EVC: variants seen among roughly 807,000 people sequenced by gnomAD.
EVC encodes the protein EvC ciliary complex subunit 1, also known as evC complex member EVC.
EVC carries 116 observed loss-of-function variants against 118.9 expected under a neutral mutation model. That is an observed-to-expected ratio of 0.98 (90% CI 0.84 to 1.14). EVC has a LOEUF of 1.14. Among genes scored for constraint, EVC ranks in the 50% most tolerant of loss-of-function variants. The pLI is 0.00. For synonymous variants in EVC, 619 were observed against 534.7 expected (o/e 1.16, Z -2.18); for missense variants, 1,401 against 1,246.4 (o/e 1.12, Z -1.87).
chr4:5,803,979 C>T (rs1215008859), intron 16 of EVC, among the ~76,000 whole-genome samples: 1 of 151,068 alleles, frequency 6.6e-6, no homozygotes, highest in Admixed American at 6.6e-5. Flanking sequence ...CTCACTCAAT[C>T]GCCCAGACTG....
At chr4:5,794,503 C>T (rs138078283) in intron 13 of EVC, among the ~76,000 whole-genome samples, 2,090 of 150,734 alleles carry the variant, frequency 0.014, 20 homozygotes, top group Non-Finnish European at 0.021. Flanking sequence ...CTCTGCCTCC[C>T]GGGTTCAAGT....
downstream of EVC, among the ~76,000 whole-genome samples, chr4:5,817,674 G>A (rs893396539): frequency 1.3e-5 from 2 of 152,202 alleles, no homozygotes; most frequent in African/African-American, 4.8e-5. Flanking sequence ...CACTGTCAAT[G>A]GGCATCACGG....
intron 20 of EVC, among the ~76,000 whole-genome samples, 180 bp downstream of exon 20, chr4:5,810,630 G>T (rs1194777078): frequency 1.3e-5 from 2 of 152,148 alleles, no homozygotes; most frequent in African/African-American, 2.4e-5. Context: ...GATACCAGGG[G>T]TGCCACATGG....
chr4:5,817,760 A>G (rs542047455), downstream of EVC, among the ~76,000 whole-genome samples: 3 of 152,306 alleles, frequency 2.0e-5, no homozygotes, highest in Admixed American at 1.3e-4. Flanking sequence ...TGTTGAGTCT[A>G]TAGAGATTTG....
At chr4:5,715,407 A>G (rs1188923918) in intron 1 of EVC, among the ~76,000 whole-genome samples, 1 of 152,144 alleles carries the variant, frequency 6.6e-6, no homozygotes, top group Admixed American at 6.5e-5. Context: ...ATCTCTAGGG[A>G]TGAGTCCAGC....
intron 17 of EVC, among the ~76,000 whole-genome samples, chr4:5,805,802 G>A (rs1322433141): frequency 1.3e-5 from 2 of 151,924 alleles, no homozygotes; most frequent in Admixed American, 6.6e-5. Context: ...GGGGGTGCAT[G>A]AGCCCATCTG....
chr4:5,788,312 A>G (rs889984042), intron 12 of EVC, among the ~76,000 whole-genome samples: 3 of 152,144 alleles, frequency 2.0e-5, no homozygotes, highest in Non-Finnish European at 4.4e-5. Context: ...CTGGGGCTGG[A>G]GTCTCATCAG....
At chr4:5,767,412 C>G (rs571344901) in intron 11 of EVC, among the ~76,000 whole-genome samples, 46 of 148,704 alleles carry the variant, frequency 3.1e-4, no homozygotes, top group African/African-American at 9.6e-4. Flanking sequence ...CCTCCTTGAG[C>G]TGTGGTGGGC....
intron 2 of EVC, 68 bp from the exon 3 acceptor site, chr4:5,729,239 A>G: frequency 1.3e-6 from 2 of 1,509,756 alleles, no homozygotes; most frequent in Non-Finnish European, 1.8e-6. Flanking sequence ...GGCATTTTGG[A>G]AAAACTTGAC....
chr4:5,797,523 G>T (rs1415436380), intron 14 of EVC: 1 of 525,266 alleles, frequency 1.9e-6, no homozygotes, highest in Non-Finnish European at 3.5e-6. Flanking sequence ...TCTTCAACCT[G>T]TGTCCTCCAG....
Position 5,738,949 on chromosome 4 carries a change from T to C in EVC, c.703-2767T>C, listed in dbSNP as rs922547900. On this transcript the variant is annotated intron_variant, in intron 5 of 20. Transcript: ENST00000264956. The surrounding 1 kb of genome is among the most constrained non-coding windows in gnomAD (Gnocchi z 6.5). ...AGAAGTTATTTTTAAAATTAAGGTA[T>C]GTACTTTTTTAGACATACTGCTATT... Among the ~76,000 whole-genome samples, 1 of 152,204 alleles carries C rather than the reference T, an allele frequency of 6.6e-6. No individual in the cohort carries two copies. The highest frequency in any genetic ancestry group is 2.4e-5 in the African/African-American group (1 of 41,454).
chr4:5,728,989 C>T (rs1577353297), intron 2 of EVC, among the ~76,000 whole-genome samples: 2 of 152,090 alleles, frequency 1.3e-5, no homozygotes, highest in East Asian at 3.9e-4. Context: ...CCTTTTCATT[C>T]ACCCATCTGT....
rs907113908 is a variant in EVC, at chr4:5,809,568, C to A, written c.2739C>A (p.Pro913=). ...ISELAALARV[P]LAESKLLPAK... ...AGCTGGCAGCCTTGGCCCGAGTGCC[C>A]CTTGCTGAAAGCAAACTGTTGCCTG... Residue 913 remains proline, a synonymous_variant, in exon 19 of 21, where the codon CCC becomes CCA. Transcript: ENST00000264956. 5 of 1,614,202 alleles carry A rather than the reference C, an allele frequency of 3.1e-6. No homozygotes were observed. The highest frequency in any genetic ancestry group is 4.2e-6 in the Non-Finnish European group (5 of 1,180,050).
chr4:5,825,204 T>C, the EVC span: 1 of 985,374 alleles, frequency 1.0e-6, no homozygotes, highest in East Asian at 1.1e-4. This position sits in a 1 kb window ranked among gnomAD's most constrained non-coding sequence, Gnocchi z 4.4. Flanking sequence ...AGTGTGAAAG[T>C]GTCCCCAAAT....
intron 2 of EVC, among the ~76,000 whole-genome samples, chr4:5,728,303 G>A (rs1241126054): frequency 2.0e-5 from 3 of 151,898 alleles, no homozygotes; most frequent in Non-Finnish European, 4.4e-5. Flanking sequence ...CTTGTAAGTT[G>A]GATTCCTAGG....
At chr4:5,824,619 G>A in the EVC span, 4 of 947,604 alleles carry the variant, frequency 4.2e-6, no homozygotes, top group South Asian at 1.5e-4. Context: ...CATGACCTGA[G>A]AATAGTTTGT....
the EVC span, chr4:5,820,646 A>AC: frequency 6.6e-6 from 1 of 151,768 alleles, no homozygotes; most frequent in African/African-American, 2.4e-5. Flanking sequence ...CTCTCCTCCC[A>AC]CCCCCACATC....
the EVC span, among the ~76,000 whole-genome samples, chr4:5,822,472 A>G: frequency 7.2e-6 from 1 of 139,844 alleles, no homozygotes; most frequent in Admixed American, 7.4e-5. Context: ...TACTTCCCTC[A>G]TTGGCGATAG....
At chr4:5,826,006 C>T in the EVC span, 1 of 348,392 alleles carries the variant, frequency 2.9e-6, no homozygotes, top group South Asian at 3.1e-5. Flanking sequence ...CACGCGTGAA[C>T]ACGCACACAC....
Sources: allele counts gnomAD v4.1 joint callset (sites outside exome capture counted in the v4.1 genomes callset), GRCh38; gene constraint gnomAD v4.1.1; non-coding constraint Gnocchi (gnomAD v3.1); transcripts MANE v1.5; gene names NCBI Gene and HGNC (gene_info 2026-07-23, HGNC 2026-07-21).